MAST4: variants seen among roughly 807,000 people sequenced by gnomAD.
MAST4 encodes microtubule associated serine/threonine kinase family member 4.
In MAST4, 89 loss-of-function variants were observed where a neutral mutation model predicts 162.7. The observed-to-expected ratio is 0.55, with a 90% CI of 0.46 to 0.65. MAST4 has a LOEUF of 0.65. MAST4 is among the 30% of genes least tolerant of loss of function. MAST4 has a pLI of 0.00. For missense variants in MAST4, 3,153 were observed against 3,374.0 expected, an observed-to-expected ratio of 0.93 and a Z score of 1.62; for synonymous variants, 1,479 against 1,361.1, an observed-to-expected ratio of 1.09 and a Z score of -1.91.
At chr5:66,905,234 A>C (rs981083602) in intron 4 of MAST4, among the ~76,000 whole-genome samples, 1 of 148,924 alleles carries the variant, frequency 6.7e-6, no homozygotes, top group Non-Finnish European at 1.5e-5. Context: ...TTCCACCCAG[A>C]AGGTGGAGGT....
chr5:66,809,331 C>T (rs534259960), intron 3 of MAST4, among the ~76,000 whole-genome samples: 1 of 152,276 alleles, frequency 6.6e-6, no homozygotes, highest in African/African-American at 2.4e-5. Flanking sequence ...ACTAGAGGAG[C>T]CTTAATGGTC....
At chr5:67,078,911 A>AATAAATATATATATATATAATAT (rs1227485756) in intron 5 of MAST4, among the ~76,000 whole-genome samples, 418 of 38,058 alleles carry the variant, frequency 0.011, 18 homozygotes, top group Non-Finnish European at 0.015. Flanking sequence ...TTTTTATATA[A>AATAAATATATATATATATAATAT]ATATATATAT....
intron 1 of MAST4, among the ~76,000 whole-genome samples, chr5:66,644,381 G>A (rs918965299): frequency 6.6e-6 from 1 of 152,142 alleles, no homozygotes; most frequent in Non-Finnish European, 1.5e-5. Flanking sequence ...AAAGCTTACT[G>A]TGCCAATCAA....
At chr5:67,004,848 A>G in intron 4 of MAST4, 1 of 615,058 alleles carries the variant, frequency 1.6e-6, no homozygotes, top group Non-Finnish European at 2.9e-6. Flanking sequence ...TTGAGATCAC[A>G]GTTCCCATCA....
intron 5 of MAST4, among the ~76,000 whole-genome samples, chr5:67,071,243 A>T (rs2150665594): frequency 6.6e-6 from 1 of 152,316 alleles, no homozygotes; most frequent in Admixed American, 6.5e-5. Context: ...AACAACCGAA[A>T]CTATCTGAAC....
At position 67,110,586 on chromosome 5, in the gene MAST4, C is replaced by T. The variant is rs1320694462; in HGVS notation, c.1458+387C>T. On this transcript the variant is annotated intron_variant, in intron 11 of 28. Coordinates refer to ENST00000403625, the MANE Select transcript of MAST4 (RefSeq NM_001164664.2). ...AGATAAATGCAGAGATAAATAGTGA[C>T]CTGTGATTTATAATTATTGTTTGTT... is the stretch of plus-strand genomic sequence containing the variant. 2.0e-5 allele frequency among the ~76,000 whole-genome samples: 3 copies of T among 152,114 alleles called. No homozygotes were observed. In the East Asian group the frequency reaches 5.8e-4, roughly 29 times the overall value.
intron 3 of MAST4, among the ~76,000 whole-genome samples, chr5:66,820,593 G>GA (rs1273711820): frequency 6.6e-6 from 1 of 152,052 alleles, no homozygotes; most frequent in Non-Finnish European, 1.5e-5. Flanking sequence ...ACTCTCATAT[G>GA]AAAAAAATGA....
In MAST4 at chr5:66,915,979, G is replaced by A. The variant is rs116233773; in HGVS notation, c.674+15997G>A. ...ATTACCATCATTAGCTTAGACCTGCGTTGTCCAGTGCAGCAGCCACTAGCC... is the reference window on the plus strand; with the variant it reads ...ATTACCATCATTAGCTTAGACCTGCATTGTCCAGTGCAGCAGCCACTAGCC... On this transcript the variant is annotated intron_variant, in intron 4 of 28. Coordinates refer to ENST00000403625, the MANE Select transcript of MAST4 (RefSeq NM_001164664.2). 3.0e-3 allele frequency among the ~76,000 whole-genome samples: 459 copies of A among 152,268 alleles called. 2 individuals carry two copies. Among genetic ancestry groups the A allele is most frequent in the African/African-American group, 0.011 (448 of 41,542 alleles).
intron 4 of MAST4, 21 bp downstream of exon 4, chr5:66,900,003 T>C: frequency 6.7e-7 from 1 of 1,483,672 alleles, no homozygotes. Context: ...GTATTTTGTT[T>C]CCTTGTTTTC....
At chr5:66,624,501 A>G (rs1390317666) in intron 1 of MAST4, among the ~76,000 whole-genome samples, 2 of 151,582 alleles carry the variant, frequency 1.3e-5, no homozygotes, top group Non-Finnish European at 2.9e-5. Context: ...AGTAATTCCT[A>G]TCAAACTCTC....
intron 1 of MAST4, among the ~76,000 whole-genome samples, chr5:66,606,443 T>C (rs971141774): frequency 3.9e-5 from 6 of 152,178 alleles, no homozygotes; most frequent in African/African-American, 1.4e-4. Flanking sequence ...CTATTGAAGA[T>C]GTGAAGGTAG....
rs749247866 is a variant in MAST4 at position 67,166,230 on chromosome 5, A to G, written c.7051A>G (p.Asn2351Asp). ...CCCCACCCTGTGCAAACAGACAGAC[A>G]ACAGACAGACAGACAAAAGCCCGAG... The part of the protein sequence containing the change: ...DCPTLCKQTD[N>D]RQTDKSPSQP... The change falls in exon 29 of 29, where the codon AAC becomes GAC. Residue 2351 changes from asparagine to aspartate, a missense_variant. Around this residue, in one of 7 missense-constraint regions of MAST4, gnomAD observed 1,644 missense variants for 1,495.0 expected, o/e 1.10. Transcript: ENST00000403625. The G allele has an allele frequency of 1.4e-5, 21 of 1,551,744 alleles. 1 individual carries two copies. In the South Asian group the frequency reaches 2.1e-4, roughly 16 times the overall value.
intron 1 of MAST4, among the ~76,000 whole-genome samples, chr5:66,635,639 A>G (rs1745060981): frequency 1.3e-5 from 2 of 152,238 alleles, no homozygotes; most frequent in South Asian, 4.2e-4. Flanking sequence ...CCCATGTGAA[A>G]AGGAAACTTG....
intron 3 of MAST4, among the ~76,000 whole-genome samples, chr5:66,823,236 C>G (rs28458262): frequency 0.013 from 1,999 of 152,276 alleles, 29 homozygotes; most frequent in Non-Finnish European, 0.02. Context: ...AAACCTGTTT[C>G]CTTTATAAAT....
Position 67,166,543 on chromosome 5 carries a change from C to G in MAST4, c.7364C>G (p.Pro2455Arg), listed in dbSNP as rs1358769287. 2 of 1,607,318 alleles carry G rather than the reference C, an allele frequency of 1.2e-6. No homozygotes were observed. Among genetic ancestry groups the G allele is most frequent in the Non-Finnish European group, 1.7e-6 (2 of 1,177,118 alleles). ...AGTTCTTTCCGATCCACGGCCCTCC[C>G]GGAAAAGTCTCTGAGCTGCTCCTCC... ...GQSSFRSTALPEKSLSCSSSF... is the reference protein window; with the variant it reads ...GQSSFRSTALREKSLSCSSSF... Residue 2455 changes from proline (P) to arginine (R), a missense_variant, in exon 29 of 29, where the codon CCG becomes CGG. This residue lies in a region of MAST4 where 1,644 missense variants were observed against 1,495.0 expected (regional missense o/e 1.10). Transcript: ENST00000403625.
At chr5:66,865,045 TG>T (rs1361164145) in intron 3 of MAST4, among the ~76,000 whole-genome samples, 7 of 152,130 alleles carry the variant, frequency 4.6e-5, no homozygotes, top group Admixed American at 4.6e-4. Flanking sequence ...AGAGAAAAAC[TG>T]AGATCAAGGG....
At chr5:66,687,405 A>G (rs1055244181) in intron 1 of MAST4, among the ~76,000 whole-genome samples, 7 of 151,938 alleles carry the variant, frequency 4.6e-5, no homozygotes, top group African/African-American at 7.3e-5. Flanking sequence ...TGCAAAGGAC[A>G]TGATTTCATT....
At chr5:66,923,889 C>G (rs36122118) in intron 4 of MAST4, among the ~76,000 whole-genome samples, 2,207 of 152,258 alleles carry the variant, frequency 0.014, 33 homozygotes, top group South Asian at 0.053. Context: ...AGCTATCATT[C>G]AATTATTGGG....
chr5:66,661,264 C>G (rs1561244953), intron 1 of MAST4, among the ~76,000 whole-genome samples: 1 of 152,190 alleles, frequency 6.6e-6, no homozygotes, highest in Admixed American at 6.5e-5. Flanking sequence ...TCCTGACATT[C>G]AGTCATCCTT....
Sources: gnomAD v4.1 joint callset for allele counts (sites outside exome capture counted in the v4.1 genomes callset) on GRCh38, gnomAD v4.1.1 for gene constraint, gnomAD v4.1.1 regional missense constraint, MANE v1.5 for transcripts, NCBI Gene and HGNC (gene_info 2026-07-23, HGNC 2026-07-21) for gene names.